Variants in JUP observed in about 807,000 individuals in gnomAD.
JUP encodes catenin (cadherin-associated protein), gamma 80kDa.
Under a neutral mutation model 71.1 loss-of-function variants are expected in JUP, and 28 were observed. That is an observed-to-expected ratio of 0.39 (90% CI 0.29 to 0.54). The LOEUF (loss-of-function observed/expected upper bound fraction) is 0.54. Ranked by LOEUF, JUP falls within the 20% of genes least tolerant of loss-of-function variation. JUP has a pLI of 0.62. For missense variants in JUP, 869 were observed against 1,030.1 expected (o/e 0.84, Z 2.14); for synonymous variants, 401 against 438.9 (o/e 0.91, Z 1.08).
Position 41,771,801 on chromosome 17 carries a change from C to T in JUP, c.54G>A (p.Gln18=). 6.2e-7 allele frequency: 1 copy of T among 1,613,712 alleles called. No individual in the cohort carries two copies. The highest frequency in any genetic ancestry group is 8.5e-7 in the Non-Finnish European group (1 of 1,179,922). The change falls in exon 2 of 14, where the codon CAG becomes CAA. Residue 18 remains glutamine, a synonymous_variant. Coordinates refer to ENST00000393931, the MANE Select transcript of JUP (RefSeq NM_002230.4). ...EQPIKVTEWQ[Q]TYTYDSGIHS... ...GGATACCCGAGTCGTAGGTGTATGTCTGCTGCCACTCAGTCACCTTGATAG... is the reference window on the plus strand; with the variant it reads ...GGATACCCGAGTCGTAGGTGTATGTTTGCTGCCACTCAGTCACCTTGATAG...
rs782205755 is a variant in JUP at position 41,758,428 on chromosome 17, G to A, written c.1744C>T (p.Arg582Trp). Reference sequence around the variant, plus strand: ...ACAAACAGGGGAATGGTGTTGAGCCGGAAGATCTCCATGCGGTTCATGGGG... The same window carrying A: ...ACAAACAGGGGAATGGTGTTGAGCCAGAAGATCTCCATGCGGTTCATGGGG... Reference protein sequence around the residue: ...RDPMNRMEIFRLNTIPLFVQL... With the variant: ...RDPMNRMEIFWLNTIPLFVQL... The change falls in exon 10 of 14, where the codon CGG becomes TGG. Residue 582 changes from arginine to tryptophan, a missense_variant. Coordinates refer to ENST00000393931, the MANE Select transcript of JUP (RefSeq NM_002230.4). 5.6e-6 allele frequency: 9 copies of A among 1,613,622 alleles called. No homozygotes were observed. The highest frequency in any genetic ancestry group is 1.1e-5 in the South Asian group (1 of 91,058).
intron 1 of JUP, among the ~76,000 whole-genome samples, chr17:41,785,611 AG>A (rs1436759312): frequency 6.6e-6 from 1 of 152,240 alleles, no homozygotes; most frequent in Non-Finnish European, 1.5e-5. Context: ...CTAAGCCTAA[AG>A]GAAGTTTTGG....
rs377152538 is a variant in JUP at position 41,772,503 on chromosome 17, G to A, written c.-8-641C>T. On this transcript the variant is annotated intron_variant, in intron 1 of 13. Transcript: ENST00000393931. The stretch of plus-strand genomic sequence containing the variant: ...CTCCCAGCCCTCCCAGTCCCTAGAC[G>A]CCTCTTTGAGTCCCACAGAGCAATT... 3.7e-4 allele frequency among the ~76,000 whole-genome samples: 56 copies of A among 152,172 alleles called. No homozygotes were observed. In the Middle Eastern group the frequency reaches 0.02, roughly 55 times the overall value.
chr17:41,763,904 T>C (rs1322295961), intron 7 of JUP, among the ~76,000 whole-genome samples: 2 of 152,080 alleles, frequency 1.3e-5, no homozygotes, highest in African/African-American at 2.4e-5. Flanking sequence ...AACCCCAGCT[T>C]TGGGGACGGA....
intron 1 of JUP, among the ~76,000 whole-genome samples, chr17:41,775,571 G>A (rs1555608393): frequency 6.6e-6 from 1 of 152,234 alleles, no homozygotes; most frequent in African/African-American, 2.4e-5. Context: ...AGCCAGGGTG[G>A]AAGCGAGAGA....
rs1162219431 is a variant in JUP, at chr17:41,756,188, C to A, written c.2073G>T (p.Glu691Asp). 4 of 1,613,944 alleles carry A rather than the reference C, an allele frequency of 2.5e-6. No individual in the cohort carries two copies. Among genetic ancestry groups the A allele is most frequent in the South Asian group, 2.2e-5 (2 of 90,994 alleles). The change falls in exon 13 of 14, where the codon GAG (glutamate) becomes GAT (aspartate). Residue 691 changes from glutamate to aspartate, a missense_variant. Coordinates refer to ENST00000393931, the MANE Select transcript of JUP (RefSeq NM_002230.4). ...EAAQSMIPIN[E>D]PYGDDMDATY... is the part of the protein sequence containing the mutation. ...GCACACACTTACCATCTCCATAGGG[C>A]TCATTGATGGGAATCATGCTCTGGG...
Position 41,769,611 on chromosome 17 carries a change from C to A in JUP, c.275G>T (p.Gly92Val). 1.2e-6 allele frequency: 2 copies of A among 1,605,866 alleles called. No homozygotes were observed. Among genetic ancestry groups the A allele is most frequent in the Non-Finnish European group, 1.7e-6 (2 of 1,177,050 alleles). Residue 92 changes from glycine (G) to valine (V), a missense_variant, in exon 3 of 14, where the codon GGT becomes GTT. Physicochemically the swap from Gly to Val is moderately radical, Grantham distance 109 (BLOSUM62 -3). Coordinates refer to ENST00000393931, the MANE Select transcript of JUP (RefSeq NM_002230.4). Reference protein sequence around the residue: ...AKRVREAMCPGVSGEDSSLLL... With the variant: ...AKRVREAMCPVVSGEDSSLLL... ...AAGCGAGCTGTCCTCGCCTGACACA[C>A]CAGGGCACATGGCCTCCCGCACCCG...
Position 41,771,718 on chromosome 17 carries a change from T to A in JUP, c.137A>T (p.Asp46Val). The change falls in exon 2 of 14, where the codon GAT (aspartate) becomes GTT (valine). Residue 46 changes from aspartate to valine, a missense_variant. Coordinates refer to ENST00000393931, the MANE Select transcript of JUP (RefSeq NM_002230.4). Reference sequence around the variant, plus strand: ...CGTGTACTGGCGCCCGCAGGCCTCATCCTCCTCCATGATGCCCTTGCTGCT... The same window carrying A: ...CGTGTACTGGCGCCCGCAGGCCTCAACCTCCTCCATGATGCCCTTGCTGCT... ...SVSSKGIMEE[D>V]EACGRQYTLK... is the part of the protein sequence containing the mutation. 2 of 1,614,138 alleles carry A rather than the reference T, an allele frequency of 1.2e-6. No homozygotes were observed. Among genetic ancestry groups the A allele is most frequent in the Non-Finnish European group, 1.7e-6 (2 of 1,180,018 alleles).
intron 5 of JUP, among the ~76,000 whole-genome samples, chr17:41,766,021 G>C (rs1217602289): frequency 6.6e-6 from 1 of 152,178 alleles, no homozygotes; most frequent in Admixed American, 6.5e-5. Context: ...TTCGGAGGCT[G>C]AAGCAGGAGG....
intron 8 of JUP, 85 bp downstream of exon 8, chr17:41,762,898 T>C: frequency 1.7e-6 from 2 of 1,145,012 alleles, no homozygotes; most frequent in African/African-American, 1.5e-5. Context: ...TATTTAGGGC[T>C]TCTTTGCTAC....
intron 1 of JUP, among the ~76,000 whole-genome samples, chr17:41,781,042 G>A (rs564061476): frequency 3.3e-5 from 5 of 152,084 alleles, no homozygotes; most frequent in East Asian, 2.0e-4. Flanking sequence ...TTAGCCAGGC[G>A]TGGTGGCGGG....
chr17:41,779,107 G>A (rs2047033921), intron 1 of JUP, among the ~76,000 whole-genome samples: 1 of 151,072 alleles, frequency 6.6e-6, no homozygotes, highest in South Asian at 2.1e-4. Context: ...ATGGTGGCAG[G>A]TGCCTGTAAT....
chr17:41,783,756 T>TA (rs1274341407), intron 1 of JUP, among the ~76,000 whole-genome samples: 2 of 151,632 alleles, frequency 1.3e-5, no homozygotes, highest in Non-Finnish European at 2.9e-5. Context: ...CTGTCTCTAC[T>TA]AAAAATACAA....
intron 1 of JUP, among the ~76,000 whole-genome samples, chr17:41,784,757 CAAAG>C (rs1371386987): frequency 6.6e-6 from 1 of 152,060 alleles, no homozygotes; most frequent in Non-Finnish European, 1.5e-5. Context: ...CCATCTACAA[CAAAG>C]AAAGAGGTGG....
intron 8 of JUP, 105 bp from the exon 9 acceptor site, chr17:41,758,975 G>A (rs1305213926): frequency 1.8e-5 from 21 of 1,190,512 alleles, no homozygotes; most frequent in African/African-American, 7.6e-5. Context: ...TTCTGTCCCC[G>A]AGGCCAGACA....
chr17:41,780,611 C>CT (rs1357716297), intron 1 of JUP, among the ~76,000 whole-genome samples: 1 of 151,624 alleles, frequency 6.6e-6, no homozygotes, highest in Non-Finnish European at 1.5e-5. Context: ...AGGAGAATTG[C>CT]TTGAACCTAG....
chr17:41,760,127 C>T (rs534927606), intron 8 of JUP, among the ~76,000 whole-genome samples: 1 of 151,710 alleles, frequency 6.6e-6, no homozygotes, highest in Admixed American at 6.6e-5. Flanking sequence ...CATGCCACTG[C>T]ACTCCAGCCT....
At chr17:41,760,740 T>C (rs1914674689) in intron 8 of JUP, among the ~76,000 whole-genome samples, 1 of 152,100 alleles carries the variant, frequency 6.6e-6, no homozygotes, top group Non-Finnish European at 1.5e-5. Flanking sequence ...TTTGTATTTT[T>C]TGTGGAGGCG....
intron 1 of JUP, among the ~76,000 whole-genome samples, chr17:41,781,184 CAAA>C (rs781830763): frequency 6.5e-5 from 4 of 61,596 alleles, no homozygotes; most frequent in Admixed American, 3.8e-4. Context: ...GACTCCGTCT[CAAA>C]AAAAAAAAAA....
Sources: allele counts gnomAD v4.1 joint callset (sites outside exome capture counted in the v4.1 genomes callset), GRCh38; gene constraint gnomAD v4.1.1; transcripts MANE v1.5; gene names NCBI Gene and HGNC (gene_info 2026-07-23, HGNC 2026-07-21).